NTNG1: variants seen among roughly 807,000 people sequenced by gnomAD.
NTNG1 encodes the protein netrin G1.
Under a neutral mutation model 54.0 loss-of-function variants are expected in NTNG1, and 16 were observed. The ratio of observed to expected loss-of-function variants is 0.30; its 90% CI spans 0.20 to 0.45. The LOEUF (loss-of-function observed/expected upper bound fraction) is 0.45. Ranked by LOEUF, NTNG1 falls within the 20% of genes least tolerant of loss-of-function variation. The pLI is 1.00. For missense variants in NTNG1, 530 were observed against 678.7 expected, an observed-to-expected ratio of 0.78 and a Z score of 2.43; for synonymous variants, 255 against 263.1, an observed-to-expected ratio of 0.97 and a Z score of 0.30.
intron 5 of NTNG1, among the ~76,000 whole-genome samples, chr1:107,423,749 T>C (rs533670818): frequency 6.6e-6 from 1 of 152,278 alleles, no homozygotes; most frequent in African/African-American, 2.4e-5. Context: ...AGACATGTAG[T>C]GAACTCTCAG....
At chr1:107,231,456 C>G (rs557979674) in intron 2 of NTNG1, among the ~76,000 whole-genome samples, 1 of 152,164 alleles carries the variant, frequency 6.6e-6, no homozygotes, top group Non-Finnish European at 1.5e-5. Flanking sequence ...AATACAATTC[C>G]ATGTGTCTTC....
chr1:107,341,658 T>C (rs1417372210), intron 3 of NTNG1, among the ~76,000 whole-genome samples: 1 of 152,094 alleles, frequency 6.6e-6, no homozygotes, highest in Non-Finnish European at 1.5e-5. Flanking sequence ...GTCCTAACAT[T>C]GTCACCTTGA....
intron 2 of NTNG1, among the ~76,000 whole-genome samples, chr1:107,278,463 CAG>C (rs1481224405): frequency 6.6e-6 from 1 of 152,138 alleles, no homozygotes; most frequent in Non-Finnish European, 1.5e-5. Flanking sequence ...AGATCCAAAA[CAG>C]AGGCTTTTAT....
At chr1:107,411,872 A>G (rs929621470) in intron 5 of NTNG1, among the ~76,000 whole-genome samples, 1 of 152,114 alleles carries the variant, frequency 6.6e-6, no homozygotes, top group Non-Finnish European at 1.5e-5. Flanking sequence ...ACATTCATGA[A>G]ATCTTGTGGT....
chr1:107,439,871 T>A (rs572271), intron 7 of NTNG1, among the ~76,000 whole-genome samples: 117,084 of 150,336 alleles, frequency 0.78, 45,685 homozygotes, highest in Non-Finnish European at 0.81. Flanking sequence ...AGGTTGATAA[T>A]TTTTTTTTTT....
At chr1:107,361,368 T>TATACAC (rs1553232682) in intron 3 of NTNG1, among the ~76,000 whole-genome samples, 1 of 49,890 alleles carries the variant, frequency 2.0e-5, no homozygotes, top group Non-Finnish European at 3.9e-5. Context: ...AACATATATA[T>TATACAC]ATATACATAT....
chr1:107,290,963 T>TATTATATA (rs199789100), intron 2 of NTNG1, among the ~76,000 whole-genome samples: 2 of 142,530 alleles, frequency 1.4e-5, no homozygotes, highest in Middle Eastern at 3.4e-3. Flanking sequence ...TATATATATA[T>TATTATATA]TATATATATA....
intron 1 of NTNG1, among the ~76,000 whole-genome samples, chr1:107,141,738 G>T (rs1653737956): frequency 6.6e-6 from 1 of 152,156 alleles, no homozygotes. Flanking sequence ...TGTGTCCGGA[G>T]CCCAGGCGTG....
intron 7 of NTNG1, chr1:107,455,717 G>C: frequency 5.0e-6 from 2 of 398,800 alleles, no homozygotes; most frequent in South Asian, 3.4e-5. Flanking sequence ...ATACGCGGAT[G>C]AGCCTTTTAC....
chr1:107,379,706 T>C (rs1177457113), intron 3 of NTNG1, among the ~76,000 whole-genome samples: 1 of 152,214 alleles, frequency 6.6e-6, no homozygotes, highest in East Asian at 1.9e-4. Context: ...TTTTAAATAC[T>C]TCAAAGATAA....
At chr1:107,144,273 T>C (rs1203397241) in intron 1 of NTNG1, among the ~76,000 whole-genome samples, 1 of 152,098 alleles carries the variant, frequency 6.6e-6, no homozygotes, top group Non-Finnish European at 1.5e-5. Context: ...TATAGTCAAT[T>C]TTCCTTTTGT....
At chr1:107,414,252 G>T (rs1161082283) in intron 5 of NTNG1, among the ~76,000 whole-genome samples, 1 of 152,094 alleles carries the variant, frequency 6.6e-6, no homozygotes, top group African/African-American at 2.4e-5. Context: ...TTTCCTTCCA[G>T]AGTCCAATTT....
At chr1:107,401,672 A>T (rs1673049246) in intron 4 of NTNG1, among the ~76,000 whole-genome samples, 1 of 148,266 alleles carries the variant, frequency 6.7e-6, no homozygotes, top group South Asian at 2.2e-4. Context: ...TGTTGAAAAA[A>T]ATTTTAATTT....
intron 2 of NTNG1, among the ~76,000 whole-genome samples, chr1:107,295,981 C>G (rs1665921419): frequency 6.6e-6 from 1 of 152,070 alleles, no homozygotes; most frequent in Non-Finnish European, 1.5e-5. Flanking sequence ...TTATTTTCTT[C>G]TAACCTCTTT....
Position 107,460,304 on chromosome 1 carries a change from A to G in NTNG1, c.1391-20307A>G, listed in dbSNP as rs944584848. 18 of 496,816 alleles carry G rather than the reference A, an allele frequency of 3.6e-5. No individual in the cohort carries two copies. The Admixed American group carries it at 3.7e-4, about 10-fold the overall frequency. The allele number at this position is 496,816 out of a possible 1,614,324, so 30.8% of individuals were successfully genotyped here. ...GCACTCCCAGGTCTTTAGTAGCCTC[A>G]TTTACCATGACATCGCTCCTCTGCT... is the stretch of plus-strand genomic sequence containing the variant. On this transcript the variant is annotated intron_variant, in intron 7 of 7. Transcript: ENST00000370068.
At chr1:107,323,966 G>T (rs956628522) in intron 2 of NTNG1, among the ~76,000 whole-genome samples, 1 of 152,060 alleles carries the variant, frequency 6.6e-6, no homozygotes, top group Non-Finnish European at 1.5e-5. Flanking sequence ...AAGAGGAAGC[G>T]GAGGTATTGA....
chr1:107,178,370 T>G (rs1656807811), intron 2 of NTNG1, among the ~76,000 whole-genome samples: 1 of 152,132 alleles, frequency 6.6e-6, no homozygotes, highest in South Asian at 2.1e-4. Context: ...TCTTGTGAGT[T>G]TTCATTTGCC....
At chr1:107,229,956 A>G (rs1660957933) in intron 2 of NTNG1, among the ~76,000 whole-genome samples, 1 of 152,110 alleles carries the variant, frequency 6.6e-6, no homozygotes, top group South Asian at 2.1e-4. Context: ...ATGACCCTGA[A>G]AACTGAATTT....
At chr1:107,240,652 C>T (rs1003610957) in intron 2 of NTNG1, among the ~76,000 whole-genome samples, 4 of 152,176 alleles carry the variant, frequency 2.6e-5, no homozygotes, top group Non-Finnish European at 5.9e-5. Context: ...GTATTAAGTG[C>T]TCTTCATTAA....
Sources: allele counts gnomAD v4.1 joint callset (sites outside exome capture counted in the v4.1 genomes callset), GRCh38; gene constraint gnomAD v4.1.1; transcripts MANE v1.5; gene names NCBI Gene and HGNC (gene_info 2026-07-23, HGNC 2026-07-21).